The following CNGA3 variants were observed in gnomAD, a reference collection of about 807,000 sequenced individuals.
The protein encoded by CNGA3 is cyclic nucleotide-gated channel alpha-3.
Under a neutral mutation model 46.6 loss-of-function variants are expected in CNGA3, and 42 were observed. That is an observed-to-expected ratio of 0.90 (90% confidence interval 0.70 to 1.17). The LOEUF (loss-of-function observed/expected upper bound fraction) is 1.17. Ranked by LOEUF, CNGA3 falls within the 50% of genes most tolerant of loss-of-function variation. The pLI is 0.00. For missense variants in CNGA3, 893 were observed against 890.7 expected (o/e 1.00, Z -0.03); for synonymous variants, 394 against 369.4 (o/e 1.07, Z -0.76).
intron 3 of CNGA3, among the ~76,000 whole-genome samples, chr2:98,378,627 G>A (rs546074332): frequency 6.6e-6 from 1 of 152,198 alleles, no homozygotes; most frequent in Admixed American, 6.5e-5. Context: ...CTAGTCCATT[G>A]TAGCTGGGCA....
chr2:98,379,873 C>T (rs544347775), intron 3 of CNGA3: 2 of 487,364 alleles, frequency 4.1e-6, no homozygotes, highest in Admixed American at 6.6e-5. Context: ...AAGGATCATG[C>T]CTTAGGCAGA....
At chr2:98,383,350 G>A in intron 4 of CNGA3, 38 bp from the exon 5 acceptor site, 1 of 1,605,726 alleles carries the variant, frequency 6.2e-7, no homozygotes, top group Non-Finnish European at 8.5e-7. Flanking sequence ...AATGGAAACA[G>A]AGTTCAGACC....
chr2:98,365,452 G>A (rs1040681750), intron 1 of CNGA3, among the ~76,000 whole-genome samples: 1 of 152,116 alleles, frequency 6.6e-6, no homozygotes, highest in Admixed American at 6.5e-5. Context: ...ATGTTGGCTT[G>A]TCTTGCTAGG....
Position 98,390,056 on chromosome 2 carries a change from C to T in CNGA3, c.566+282C>T, listed in dbSNP as rs538603697. ...GAGTTGTACGAGGAGGATGCAGGGG[C>T]GGTTGCTTCTCTTTGGAGGGATAAG... is the stretch of plus-strand genomic sequence containing the variant. On this transcript the variant is annotated intron_variant, in intron 6 of 7. Coordinates refer to ENST00000272602, the MANE Select transcript of CNGA3 (RefSeq NM_001298.3). Among the ~76,000 whole-genome samples, 6 of 152,170 alleles carry T rather than the reference C, an allele frequency of 3.9e-5. No individual in the cohort carries two copies. In the East Asian group the frequency reaches 5.8e-4, roughly 15 times the overall value.
intron 6 of CNGA3, among the ~76,000 whole-genome samples, chr2:98,391,364 C>T (rs932624991): frequency 1.2e-4 from 18 of 151,978 alleles, no homozygotes; most frequent in East Asian, 3.9e-4. Context: ...AGCAGGTGGG[C>T]GGCAGGGGCA....
At chr2:98,372,226 C>T (rs1183156473) in intron 2 of CNGA3, among the ~76,000 whole-genome samples, 1 of 152,216 alleles carries the variant, frequency 6.6e-6, no homozygotes, top group East Asian at 1.9e-4. Context: ...TGGCCAGTGA[C>T]CTCCAAGCCC....
chr2:98,358,483 CA>C (rs925656152), intron 1 of CNGA3, among the ~76,000 whole-genome samples: 9 of 149,936 alleles, frequency 6.0e-5, no homozygotes, highest in East Asian at 5.8e-4. Context: ...AATTGTCATG[CA>C]AAAAAAAATT....
At chr2:98,377,331 TC>T in intron 2 of CNGA3, 1 of 244,728 alleles carries the variant, frequency 4.1e-6, no homozygotes, top group South Asian at 5.7e-5. Context: ...ACCAAAATCC[TC>T]GTTCTGGAGT....
chr2:98,367,491 G>C (rs1034772685), intron 1 of CNGA3, among the ~76,000 whole-genome samples: 7 of 152,108 alleles, frequency 4.6e-5, no homozygotes, highest in African/African-American at 1.7e-4. Context: ...ACCCCGCCCG[G>C]CTGACCTCAG....
chr2:98,350,029 C>T (rs764989919), intron 1 of CNGA3, among the ~76,000 whole-genome samples: 3 of 152,314 alleles, frequency 2.0e-5, no homozygotes, highest in Non-Finnish European at 1.5e-5. Flanking sequence ...GGCCTGCACC[C>T]GAGAACTCAT....
At chr2:98,387,425 G>A (rs1692677001) in intron 5 of CNGA3, among the ~76,000 whole-genome samples, 1 of 152,218 alleles carries the variant, frequency 6.6e-6, no homozygotes, top group Admixed American at 6.5e-5. Flanking sequence ...GCCTGAAGGG[G>A]ACTCGAGGGG....
In CNGA3 at chr2:98,387,380, C is replaced by T. The variant is rs543886122; in HGVS notation, c.450-2278C>T. On this transcript the variant is annotated intron_variant, in intron 5 of 7. Coordinates refer to ENST00000272602, the MANE Select transcript of CNGA3 (RefSeq NM_001298.3). ...AGCAGAATTTATCTCTCAACCATGC[C>T]TTCCTTCAGCGTGTGGAAGAGAGAA... Among the ~76,000 whole-genome samples the T allele has an allele frequency of 4.6e-5, 7 of 152,278 alleles. No homozygotes were observed. In the East Asian group the frequency reaches 1.2e-3, roughly 25 times the overall value.
At position 98,377,796 on chromosome 2, in the gene CNGA3, G is replaced by C. The variant is rs61756692; in HGVS notation, c.211G>C (p.Ala71Pro). The C allele has an allele frequency of 2.5e-6, 4 of 1,609,794 alleles. No homozygotes were observed. Among genetic ancestry groups the C allele is most frequent in the Non-Finnish European group, 3.4e-6 (4 of 1,179,004 alleles). The stretch of plus-strand genomic sequence containing the variant: ...GGGCTCCTTCACCGGCCAGGGGATC[G>C]CCAGGTAACTGACCAGCCTCAGTCC... ...GQGSFTGQGI[A>P]RLSRLIFLLR... Residue 71 changes from alanine (A) to proline (P), a missense_variant, in exon 3 of 8, where the codon GCC (alanine) becomes CCC (proline). Around this residue, in one of 3 missense-constraint regions of CNGA3, gnomAD observed 333 missense variants for 290.8 expected, o/e 1.15. Transcript: ENST00000272602.
chr2:98,392,096 C>G (rs542293960), intron 7 of CNGA3, 126 bp downstream of exon 7: 1 of 807,932 alleles, frequency 1.2e-6, no homozygotes, highest in African/African-American at 1.7e-5. Context: ...TGGGGACCTC[C>G]GACAGTGAGG....
intron 1 of CNGA3, 94 bp from the exon 2 acceptor site, chr2:98,369,845 G>T: frequency 1.3e-6 from 1 of 755,078 alleles, no homozygotes. Context: ...GGGCTTGCAG[G>T]GGGGCCGCGT....
chr2:98,396,046 G>C lies in CNGA3; in HGVS notation c.876G>C (p.Glu292Asp). The C allele has an allele frequency of 6.2e-7, 1 of 1,614,180 alleles. No homozygotes were observed. The highest frequency in any genetic ancestry group is 8.5e-7 in the Non-Finnish European group (1 of 1,180,034). The change falls in exon 8 of 8, where the codon GAG becomes GAC. Residue 292 changes from glutamate to aspartate, a missense_variant. Physicochemically the swap from Glu to Asp is conservative, Grantham distance 45 (BLOSUM62 2). Around this residue, in one of 3 missense-constraint regions of CNGA3, gnomAD observed 548 missense variants for 570.8 expected, o/e 0.96. Transcript: ENST00000272602. ...TCTTTGAATTCTTTGACCGCACAGA[G>C]ACAAGGACCAACTACCCCAATATGT... is the stretch of plus-strand genomic sequence containing the variant. ...SRLFEFFDRT[E>D]TRTNYPNMFR...
intron 2 of CNGA3, 132 bp from the exon 3 acceptor site, chr2:98,377,555 G>T: frequency 2.4e-6 from 2 of 825,042 alleles, no homozygotes; most frequent in Non-Finnish European, 2.0e-6. Context: ...GAAGTGGGGA[G>T]CCCCTGGGAT....
intron 1 of CNGA3, among the ~76,000 whole-genome samples, chr2:98,351,918 A>G (rs926885340): frequency 2.6e-5 from 4 of 152,174 alleles, no homozygotes; most frequent in African/African-American, 9.7e-5. Context: ...GGTTTTTAGT[A>G]TATTTATAGT....
intron 1 of CNGA3, among the ~76,000 whole-genome samples, chr2:98,369,359 G>A (rs1692234517): frequency 6.6e-6 from 1 of 152,192 alleles, no homozygotes; most frequent in Admixed American, 6.5e-5. Context: ...CTGACGCTCA[G>A]TTTATTCATC....
Sources: allele counts gnomAD v4.1 joint callset (sites outside exome capture counted in the v4.1 genomes callset), GRCh38; gene constraint gnomAD v4.1.1; regional missense constraint gnomAD v4.1.1; transcripts MANE v1.5; gene names NCBI Gene and HGNC (gene_info 2026-07-23, HGNC 2026-07-21).